C3orf52: variants seen among roughly 807,000 people sequenced by gnomAD.
C3orf52 encodes TPA-induced transmembrane protein.
In C3orf52, 22 loss-of-function variants were observed where a neutral mutation model predicts 24.8. The ratio of observed to expected loss-of-function variants is 0.89; its 90% CI spans 0.63 to 1.27. The LOEUF (loss-of-function observed/expected upper bound fraction) is 1.27, where lower values mean the gene tolerates loss of function less well. Ranked by LOEUF, C3orf52 falls within the 50% of genes most tolerant of loss-of-function variation. C3orf52 has a pLI of 0.00. For synonymous variants in C3orf52, 93 were observed against 100.2 expected, an observed-to-expected ratio of 0.93 and a Z score of 0.43; for missense variants, 265 against 260.7, an observed-to-expected ratio of 1.02 and a Z score of -0.11.
intron 5 of C3orf52, among the ~76,000 whole-genome samples, chr3:112,113,895 A>G (rs1318414616): frequency 6.6e-6 from 1 of 152,130 alleles, no homozygotes; most frequent in East Asian, 1.9e-4. Flanking sequence ...TTTGCTGCTG[A>G]TCTCACTTTC....
chr3:112,105,690 C>A (rs2074017099), intron 3 of C3orf52, among the ~76,000 whole-genome samples: 1 of 151,928 alleles, frequency 6.6e-6, no homozygotes, highest in Non-Finnish European at 1.5e-5. Context: ...CCCCACAAAA[C>A]TTCCCTCATT....
At chr3:112,091,831 C>T (rs1404066461) in intron 1 of C3orf52, among the ~76,000 whole-genome samples, 1 of 151,936 alleles carries the variant, frequency 6.6e-6, no homozygotes, top group African/African-American at 2.4e-5. Flanking sequence ...AGTGAAACCC[C>T]GTCTCTACTA....
intron 3 of C3orf52, among the ~76,000 whole-genome samples, chr3:112,106,979 G>A (rs2074031276): frequency 6.6e-6 from 1 of 152,194 alleles, no homozygotes; most frequent in Admixed American, 6.5e-5. Flanking sequence ...TAAGGGTTGA[G>A]GAACCACCCT....
intron 5 of C3orf52, among the ~76,000 whole-genome samples, chr3:112,115,788 A>G (rs1426007689): frequency 6.6e-6 from 1 of 152,182 alleles, no homozygotes; most frequent in Non-Finnish European, 1.5e-5. Context: ...ATTTGGAAAT[A>G]CGGCGATTAT....
downstream of C3orf52, chr3:112,134,619 A>G (rs2074531502): frequency 1.3e-5 from 2 of 152,228 alleles, no homozygotes; most frequent in Admixed American, 6.5e-5. Flanking sequence ...ACAACCTGGC[A>G]ATTTCACTCC....
At chr3:112,091,319 C>T (rs980312020) in intron 1 of C3orf52, among the ~76,000 whole-genome samples, 13 of 152,144 alleles carry the variant, frequency 8.5e-5, no homozygotes, top group African/African-American at 2.4e-4. Context: ...TTTCAGTTTA[C>T]GCAGGAAGAT....
chr3:112,122,446 T>C (rs1247811870), downstream of C3orf52: 2 of 152,170 alleles, frequency 1.3e-5, no homozygotes, highest in Non-Finnish European at 2.9e-5. Flanking sequence ...AGGATAGATA[T>C]AATTTGAGGA....
In C3orf52 at chr3:112,109,848, A is replaced by G. The variant is rs2074061198; in HGVS notation, c.467+235A>G. ...TTAATGGTATAATTCAACCAGGGTC[A>G]CACAGAAGAGGGGAAAAGCCAGTCC... On this transcript the variant is annotated intron_variant, in intron 4 of 5. Transcript: ENST00000264848. The G allele has an allele frequency of 1.7e-5, 7 of 402,960 alleles. No homozygotes were observed. The South Asian group carries it at 2.4e-4, about 14-fold the overall frequency. 25.0% of individuals were successfully genotyped at this position (402,960 alleles called of 1,614,324 possible). A position where few individuals can be genotyped will look rare whatever the true frequency, so the allele number is the denominator to read the frequency against.
downstream of C3orf52, among the ~76,000 whole-genome samples, chr3:112,131,419 G>T (rs936938718): frequency 1.3e-5 from 2 of 152,100 alleles, no homozygotes; most frequent in African/African-American, 4.8e-5. Flanking sequence ...TGGGTGTTGG[G>T]GTGACAATGA....
Position 112,106,046 on chromosome 3 carries a change from G to A in C3orf52, c.396+3081G>A, listed in dbSNP as rs553745565. Among the ~76,000 whole-genome samples, 71 of 152,236 alleles carry A rather than the reference G, an allele frequency of 4.7e-4. 1 individual carries two copies. The highest frequency in any genetic ancestry group is 3.4e-3 in the Middle Eastern group (1 of 294). ...ATAAAAAGGTACATAGGGCGGACAC[G>A]TGGGACAGAATGTGGGCATCCATGT... is the stretch of plus-strand genomic sequence containing the variant. On this transcript the variant is annotated intron_variant, in intron 3 of 5. Transcript: ENST00000264848.
rs376310649 is a variant in C3orf52 at position 112,086,403 on chromosome 3, G to T, written c.-5G>T. Reference sequence around the variant, plus strand: ...CGGAGCCGCTCAGACTTTCCCTGCCGGCACATGGACCTGGCCCAACCCTCA... The same window carrying T: ...CGGAGCCGCTCAGACTTTCCCTGCCTGCACATGGACCTGGCCCAACCCTCA... On this transcript the variant is annotated 5_prime_UTR_variant, in exon 1 of 6. Coordinates refer to ENST00000264848, the MANE Select transcript of C3orf52 (RefSeq NM_024616.3). 4 of 1,536,448 alleles carry T rather than the reference G, an allele frequency of 2.6e-6. No homozygotes were observed. Among genetic ancestry groups the T allele is most frequent in the Non-Finnish European group, 2.6e-6 (3 of 1,137,362 alleles).
At chr3:112,126,681 T>A (rs1320582183) in intron 4 of C3orf52, among the ~76,000 whole-genome samples, 1 of 152,228 alleles carries the variant, frequency 6.6e-6, no homozygotes, top group East Asian at 1.9e-4. Context: ...TATCCCAGGC[T>A]GGCTTTCTTG....
intron 3 of C3orf52, among the ~76,000 whole-genome samples, chr3:112,108,860 A>G (rs77775822): frequency 0.048 from 7,384 of 152,252 alleles, 222 homozygotes; most frequent in South Asian, 0.1. Context: ...TAGTATTAAG[A>G]AAGAGAGAGA....
chr3:112,127,097 G>T, intron 4 of C3orf52: 1 of 1,078,098 alleles, frequency 9.3e-7, no homozygotes, highest in Non-Finnish European at 1.4e-6. Context: ...AATGACACAA[G>T]CCTACAAAAC....
chr3:112,087,483 C>T (rs1459526563), intron 1 of C3orf52, among the ~76,000 whole-genome samples: 1 of 152,098 alleles, frequency 6.6e-6, no homozygotes, highest in Non-Finnish European at 1.5e-5. Flanking sequence ...TATAGAGCCC[C>T]GACCTGATCT....
intron 4 of C3orf52, chr3:112,112,736 A>T (rs2074095668): frequency 3.7e-6 from 2 of 541,318 alleles, no homozygotes; most frequent in Admixed American, 5.9e-5. Flanking sequence ...TTCCTAGAGG[A>T]TAGGTACTAG....
At chr3:112,132,605 G>A (rs2074483845), downstream of C3orf52, 2 of 972,330 alleles carry the variant, frequency 2.1e-6, no homozygotes, top group Non-Finnish European at 2.4e-6. Flanking sequence ...TCTGAGTTCT[G>A]TGCCTATTTA....
In C3orf52 at chr3:112,093,417, CTG is replaced by C. The variant is rs1212947720; in HGVS notation, c.199_200del (p.Trp67AspfsTer27). 3.1e-6 allele frequency: 5 copies of C among 1,613,844 alleles called. No homozygotes were observed. The highest frequency in any genetic ancestry group is 3.3e-5 in the Admixed American group (2 of 60,034). ...TAAGAATGTGGTTGGAAGATGCAAA[CTG>C]TGGATGATCATCACCTCCATTTTCC... ...CNKNVVGRCKLWMIITSIFLG... is the reference protein window; with the variant it reads ...CNKNVVGRCKXWMIITSIFLG... On this transcript the variant is annotated frameshift_variant, in exon 2 of 6. Transcript: ENST00000264848. LOFTEE classifies it high-confidence loss of function.
downstream of C3orf52, chr3:112,133,699 C>T (rs1036204957): frequency 1.3e-5 from 2 of 152,430 alleles, no homozygotes; most frequent in African/African-American, 4.8e-5. Context: ...CACAATGGAA[C>T]ACTTTTACAT....
Sources: gnomAD v4.1 joint callset for allele counts (sites outside exome capture counted in the v4.1 genomes callset) on GRCh38, gnomAD v4.1.1 for gene constraint, MANE v1.5 for transcripts, NCBI Gene and HGNC (gene_info 2026-07-23, HGNC 2026-07-21) for gene names.